Variants in RPRD2 observed in about 807,000 individuals in gnomAD.
The protein encoded by RPRD2 is regulation of nuclear pre-mRNA domain containing 2.
In RPRD2, 12 loss-of-function variants were observed where a neutral mutation model predicts 104.4. That is an observed-to-expected ratio of 0.11 (90% CI 0.07 to 0.19). The LOEUF (loss-of-function observed/expected upper bound fraction) is 0.19. Among genes scored for constraint, RPRD2 ranks in the 10% least tolerant of loss-of-function variants. RPRD2 has a pLI of 1.00. For synonymous variants in RPRD2, 714 were observed against 684.9 expected, an observed-to-expected ratio of 1.04 and a Z score of -0.66; for missense variants, 1,543 against 1,790.1, an observed-to-expected ratio of 0.86 and a Z score of 2.49.
At chr1:150,398,187 A>ATTTATTTTATTTTATTTTATTTTAT (rs71086507) in intron 1 of RPRD2, among the ~76,000 whole-genome samples, 18 of 132,310 alleles carry the variant, frequency 1.4e-4, no homozygotes, top group African/African-American at 5.2e-4. Flanking sequence ...GTGTTTTTAT[A>ATTTATTTTATTTTATTTTATTTTAT]TTTATTTTAT....
intron 1 of RPRD2, among the ~76,000 whole-genome samples, chr1:150,371,941 A>C (rs189021345): frequency 6.6e-6 from 1 of 152,070 alleles, no homozygotes; most frequent in East Asian, 1.9e-4. Flanking sequence ...TGGCATAACT[A>C]TCTCTTAGTG....
chr1:150,367,831 T>C (rs1164168634), intron 1 of RPRD2, among the ~76,000 whole-genome samples: 2 of 151,950 alleles, frequency 1.3e-5, no homozygotes, highest in Non-Finnish European at 2.9e-5. Context: ...CAAGCAATTC[T>C]CCTGCCTCAG....
intron 7 of RPRD2, among the ~76,000 whole-genome samples, chr1:150,453,700 G>A (rs1032904770): frequency 2.0e-5 from 3 of 152,186 alleles, no homozygotes; most frequent in Non-Finnish European, 4.4e-5. Flanking sequence ...AGTGCCCAGA[G>A]GTAGCTGCTA....
At position 150,464,472 on chromosome 1, in the gene RPRD2, G is replaced by C. The variant is rs587701473; in HGVS notation, c.1412-55G>C. 1.3e-4 allele frequency: 182 copies of C among 1,410,080 alleles called. 1 individual carries two copies. The African/African-American group carries it at 2.0e-3, about 15-fold the overall frequency. The allele number at this position is 1,410,080 out of a possible 1,614,324, so 87.3% of individuals were successfully genotyped here. Reference sequence around the variant, plus strand: ...ACTCATTGAAGTGAGGGGAAGTATCGGAAATTGAAGTCATTTTGAATTGCA... The same window carrying C: ...ACTCATTGAAGTGAGGGGAAGTATCCGAAATTGAAGTCATTTTGAATTGCA... On this transcript the variant is annotated intron_variant, in intron 9 of 10. Coordinates refer to ENST00000369068, the MANE Select transcript of RPRD2 (RefSeq NM_015203.5).
intron 1 of RPRD2, among the ~76,000 whole-genome samples, chr1:150,403,633 C>T (rs1553885891): frequency 6.6e-6 from 1 of 151,518 alleles, no homozygotes; most frequent in Non-Finnish European, 1.5e-5. Flanking sequence ...CCATTGTATG[C>T]GTCCACATTC....
intron 1 of RPRD2, among the ~76,000 whole-genome samples, chr1:150,399,029 G>T (rs56882505): frequency 0.048 from 7,245 of 151,886 alleles, 438 homozygotes; most frequent in African/African-American, 0.13. Context: ...TTGAGAAAGG[G>T]TCCCACTTGG....
At chr1:150,432,412 G>A (rs1317689988) in intron 2 of RPRD2, among the ~76,000 whole-genome samples, 3 of 151,892 alleles carry the variant, frequency 2.0e-5, no homozygotes, top group Non-Finnish European at 4.4e-5. Flanking sequence ...ATGTCCCCCC[G>A]AAATTCATAT....
intron 1 of RPRD2, among the ~76,000 whole-genome samples, chr1:150,409,753 T>TTCAGCC (rs1333161387): frequency 6.7e-6 from 1 of 150,374 alleles, no homozygotes; most frequent in Non-Finnish European, 1.5e-5. Flanking sequence ...GTTCAAGCGA[T>TTCAGCC]TCAGCCTCAG....
chr1:150,382,925 A>G (rs899030794), intron 1 of RPRD2, among the ~76,000 whole-genome samples: 19 of 152,242 alleles, frequency 1.2e-4, no homozygotes, highest in African/African-American at 3.8e-4. Context: ...GGCTCAAGCA[A>G]TCTGCCCACC....
At position 150,460,455 on chromosome 1, in the gene RPRD2, G is replaced by A. The variant is rs1667854208; in HGVS notation, c.1411+138G>A. On this transcript the variant is annotated intron_variant, in intron 9 of 10. Transcript: ENST00000369068. ...GTTTCGCTCTGTCTCCCAGGCAGGAGTGCAGTGGTGCAATCTTGGCTCACT... is the reference window on the plus strand; with the variant it reads ...GTTTCGCTCTGTCTCCCAGGCAGGAATGCAGTGGTGCAATCTTGGCTCACT... The A allele has an allele frequency of 1.7e-5, 15 of 866,954 alleles. 1 individual carries two copies. Among genetic ancestry groups the A allele is most frequent in the South Asian group, 1.0e-4 (6 of 58,686 alleles). The allele number at this position is 866,954 out of a possible 1,614,324, so 53.7% of individuals were successfully genotyped here.
intron 7 of RPRD2, among the ~76,000 whole-genome samples, chr1:150,453,260 T>C (rs587705314): frequency 6.6e-6 from 1 of 151,986 alleles, no homozygotes; most frequent in East Asian, 1.9e-4. Context: ...CTTGAACTCC[T>C]GACCTCATGA....
intron 10 of RPRD2, among the ~76,000 whole-genome samples, chr1:150,469,415 T>C (rs1313972337): frequency 6.6e-6 from 1 of 152,274 alleles, no homozygotes; most frequent in Admixed American, 6.5e-5. Flanking sequence ...TAGCTAGGAC[T>C]ACAGGCATGC....
At chr1:150,394,631 G>A (rs1385159521) in intron 1 of RPRD2, among the ~76,000 whole-genome samples, 7 of 151,762 alleles carry the variant, frequency 4.6e-5, no homozygotes, top group Non-Finnish European at 1.0e-4. Flanking sequence ...TTGCTCTGTC[G>A]CCCAGGCTGG....
rs1440095909 is a variant in RPRD2, at chr1:150,441,300, C to G, written c.436+277C>G. 9.4e-6 allele frequency: 3 copies of G among 318,328 alleles called. No individual in the cohort carries two copies. In the South Asian group the frequency reaches 1.4e-4, roughly 15 times the overall value. 19.7% of individuals were successfully genotyped at this position (318,328 alleles called of 1,614,324 possible). ...CCATCTGGTTATTTTCCTGCATTTGCGTTGAGTGTTTCAAATGGTTCATTG... is the reference window on the plus strand; with the variant it reads ...CCATCTGGTTATTTTCCTGCATTTGGGTTGAGTGTTTCAAATGGTTCATTG... On this transcript the variant is annotated intron_variant, in intron 3 of 10. Coordinates refer to ENST00000369068, the MANE Select transcript of RPRD2 (RefSeq NM_015203.5).
intron 1 of RPRD2, among the ~76,000 whole-genome samples, chr1:150,388,375 C>CGT (rs33946912): frequency 0.44 from 63,345 of 142,806 alleles, 14,175 homozygotes; most frequent in African/African-American, 0.54. Context: ...CATGTATACA[C>CGT]ATATACACGT....
At chr1:150,443,305 A>T in intron 5 of RPRD2, 22 bp downstream of exon 5, 1 of 1,520,732 alleles carries the variant, frequency 6.6e-7, no homozygotes. Context: ...AATTTGTTTA[A>T]TATAGCAAAG....
rs1471562839 is a variant in RPRD2, at chr1:150,473,198, C to T, written c.4250C>T (p.Pro1417Leu). 1 of 1,613,984 alleles carries T rather than the reference C, an allele frequency of 6.2e-7. No homozygotes were observed. The highest frequency in any genetic ancestry group is 1.7e-5 in the Admixed American group (1 of 60,030). The change falls in exon 11 of 11, where the codon CCC (proline) becomes CTC (leucine). Residue 1417 changes from proline to leucine, a missense_variant. Physicochemically the swap from Pro to Leu is moderately conservative, Grantham distance 98 (BLOSUM62 -3). Transcript: ENST00000369068. ...CGGAGTGGTATAATCTTACGGAGTC[C>T]CCGGCCAGACTTTCGGCCTAGGGAA... The part of the protein sequence containing the change: ...ISRSGIILRS[P>L]RPDFRPREPF...
Position 150,473,214 on chromosome 1 carries a change from G to A in RPRD2, c.4266G>A (p.Arg1422=), listed in dbSNP as rs1560234013. ...IILRSPRPDF[R]PREPFLSRDP... Reference sequence around the variant, plus strand: ...TACGGAGTCCCCGGCCAGACTTTCGGCCTAGGGAACCTTTTCTCAGCAGAG... The same window carrying A: ...TACGGAGTCCCCGGCCAGACTTTCGACCTAGGGAACCTTTTCTCAGCAGAG... The change falls in exon 11 of 11, where the codon CGG becomes CGA. Residue 1422 remains arginine (R), a synonymous_variant. Transcript: ENST00000369068. The A allele has an allele frequency of 1.2e-6, 2 of 1,613,988 alleles. No individual in the cohort carries two copies. The highest frequency in any genetic ancestry group is 1.7e-6 in the Non-Finnish European group (2 of 1,179,890).
At chr1:150,422,475 A>AG (rs1435064773) in intron 2 of RPRD2, among the ~76,000 whole-genome samples, 1 of 151,844 alleles carries the variant, frequency 6.6e-6, no homozygotes, top group African/African-American at 2.4e-5. Flanking sequence ...CTTTAATTCA[A>AG]GGGGGGCAAA....
Sources: gnomAD v4.1 joint callset for allele counts (sites outside exome capture counted in the v4.1 genomes callset) on GRCh38, gnomAD v4.1.1 for gene constraint, MANE v1.5 for transcripts, NCBI Gene and HGNC (gene_info 2026-07-23, HGNC 2026-07-21) for gene names.